NISCH: variants seen among roughly 807,000 people sequenced by gnomAD.
NISCH encodes nischarin, also known as I-1 receptor candidate protein.
Under a neutral mutation model 138.4 loss-of-function variants are expected in NISCH, and 55 were observed. The observed-to-expected ratio is 0.40, with a 90% confidence interval of 0.32 to 0.50. NISCH has a LOEUF of 0.50. Ranked by LOEUF, NISCH falls within the 20% of genes least tolerant of loss-of-function variation. NISCH has a pLI of 0.71. For missense variants in NISCH, 1,643 were observed against 2,005.5 expected, an observed-to-expected ratio of 0.82 and a Z score of 3.45; for synonymous variants, 860 against 861.5, an observed-to-expected ratio of 1.00 and a Z score of 0.03.
chr3:52,460,186 C>CAAAAAA (rs60865450), intron 3 of NISCH, among the ~76,000 whole-genome samples: 3 of 56,192 alleles, frequency 5.3e-5, no homozygotes, highest in Non-Finnish European at 6.0e-5. Flanking sequence ...GACTTCATCT[C>CAAAAAA]AAAAAAAAAA....
At position 52,488,080 on chromosome 3, in the gene NISCH, G is replaced by A; in HGVS notation, c.2588G>A (p.Ser863Asn). Reference sequence around the variant, plus strand: ...TGCTTCCCCGTCTACCTGGTCTACAGTGACAAGCGCATGGTGCAGACGGCC... The same window carrying A: ...TGCTTCCCCGTCTACCTGGTCTACAATGACAAGCGCATGGTGCAGACGGCC... ...QGCFPVYLVYSDKRMVQTAAG... is the reference protein window; with the variant it reads ...QGCFPVYLVYNDKRMVQTAAG... The change falls in exon 16 of 21, where the codon AGT (serine) becomes AAT (asparagine). Residue 863 changes from serine to asparagine, a missense_variant. Coordinates refer to ENST00000345716, the MANE Select transcript of NISCH (RefSeq NM_007184.4). The A allele has an allele frequency of 6.2e-7, 1 of 1,612,864 alleles. No homozygotes were observed. The highest frequency in any genetic ancestry group is 1.6e-4 in the Middle Eastern group (1 of 6,062).
In NISCH at chr3:52,480,430, C is replaced by T. The variant is rs748751448; in HGVS notation, c.1528+135C>T. 6 of 1,546,382 alleles carry T rather than the reference C, an allele frequency of 3.9e-6. No individual in the cohort carries two copies. The Admixed American group carries it at 9.9e-5, about 25-fold the overall frequency. ...GACACAGGGAGGGCAGTGCCTTCTG[C>T]AGGCTGGTCCTCGCGGGGGGACACA... is the stretch of plus-strand genomic sequence containing the variant. On this transcript the variant is annotated intron_variant, in intron 13 of 20. Coordinates refer to ENST00000345716, the MANE Select transcript of NISCH (RefSeq NM_007184.4).
chr3:52,484,961 C>T (rs1163195365), intron 14 of NISCH, among the ~76,000 whole-genome samples: 1 of 152,096 alleles, frequency 6.6e-6, no homozygotes, highest in Non-Finnish European at 1.5e-5. Context: ...ACCCTGTGAG[C>T]AGGCTTCCCT....
intron 2 of NISCH, 70 bp downstream of exon 2, chr3:52,457,996 A>C: frequency 8.2e-7 from 1 of 1,225,496 alleles, no homozygotes; most frequent in Non-Finnish European, 1.2e-6. Flanking sequence ...CCATTGTGCC[A>C]CATATTAGTT....
In NISCH at chr3:52,484,679, G is replaced by A. The variant is rs1468245231; in HGVS notation, c.1653+42G>A. 3 of 1,610,530 alleles carry A rather than the reference G, an allele frequency of 1.9e-6. No homozygotes were observed. In the African/African-American group the frequency reaches 4.0e-5, roughly 22 times the overall value. On this transcript the variant is annotated intron_variant, in intron 14 of 20. Coordinates refer to ENST00000345716, the MANE Select transcript of NISCH (RefSeq NM_007184.4). ...GCTTCTGGGGACCATACATCTGTGGGTGGACTCTTCTGCTTGGGGTTGTGT... is the reference window on the plus strand; with the variant it reads ...GCTTCTGGGGACCATACATCTGTGGATGGACTCTTCTGCTTGGGGTTGTGT...
chr3:52,487,463 G>A lies in NISCH; in HGVS notation c.1971G>A (p.Met657Ile). The A allele has an allele frequency of 6.2e-7, 1 of 1,603,494 alleles. No individual in the cohort carries two copies. The highest frequency in any genetic ancestry group is 8.5e-7 in the Non-Finnish European group (1 of 1,172,530). The change falls in exon 16 of 21, where the codon ATG becomes ATA. Residue 657 changes from methionine (M) to isoleucine (I), a missense_variant. Transcript: ENST00000345716. This position sits in a 1 kb window ranked among gnomAD's most constrained non-coding sequence, Gnocchi z 9.1. ...TGGCTGAGAACCGCTACTTTGAAAT[G>A]GGGCCCCCAGACGTGGAGGAGGAGG... ...EDVAENRYFEMGPPDVEEEEG... is the reference protein window; with the variant it reads ...EDVAENRYFEIGPPDVEEEEG...
In NISCH at chr3:52,488,564, G is replaced by C; in HGVS notation, c.3072G>C (p.Gln1024His). The change falls in exon 16 of 21, where the codon CAG becomes CAC. Residue 1024 changes from glutamine to histidine, a missense_variant. Coordinates refer to ENST00000345716, the MANE Select transcript of NISCH (RefSeq NM_007184.4). The stretch of plus-strand genomic sequence containing the variant: ...CCCCCGGGACGGGAGGCAGCCCCCA[G>C]GGCTCCTTTGCGGATGGCCAGCCTG... ...AKTPGTGGSP[Q>H]GSFADGQPAE... 6.2e-7 allele frequency: 1 copy of C among 1,612,524 alleles called. No homozygotes were observed. The highest frequency in any genetic ancestry group is 8.5e-7 in the Non-Finnish European group (1 of 1,179,730).
rs1437908358 is a variant in NISCH, at chr3:52,487,562, G to A, written c.2070G>A (p.Leu690=). ...DEEAEEERLA[L]EWALGADEDF... ...AGGCCGAGGAGGAGCGCCTGGCTCT[G>A]GAATGGGCCCTGGGCGCGGACGAGG... The change falls in exon 16 of 21, where the codon CTG becomes CTA. Residue 690 remains leucine (L), a synonymous_variant. Coordinates refer to ENST00000345716, the MANE Select transcript of NISCH (RefSeq NM_007184.4). The surrounding 1 kb of genome is among the most constrained non-coding windows in gnomAD (Gnocchi z 9.1). The A allele has an allele frequency of 1.9e-6, 3 of 1,611,932 alleles. No individual in the cohort carries two copies. Among genetic ancestry groups the A allele is most frequent in the Non-Finnish European group, 2.5e-6 (3 of 1,178,472 alleles).
rs1245633933 is a variant in NISCH at position 52,490,846 on chromosome 3, C to G, written c.3742+13C>G. On this transcript the variant is annotated intron_variant, in intron 19 of 20. Coordinates refer to ENST00000345716, the MANE Select transcript of NISCH (RefSeq NM_007184.4). Reference sequence around the variant, plus strand: ...TTCCGGCTGACGGGTGGGTGACCCTCTGTGCTTTGTCCTATTTCGGGTGAA... The same window carrying G: ...TTCCGGCTGACGGGTGGGTGACCCTGTGTGCTTTGTCCTATTTCGGGTGAA... 1.2e-6 allele frequency: 2 copies of G among 1,614,018 alleles called. No individual in the cohort carries two copies. The highest frequency in any genetic ancestry group is 2.2e-5 in the East Asian group (1 of 44,892).
chr3:52,491,407 C>T lies in NISCH; in HGVS notation c.3798C>T (p.His1266=), dbSNP rs750475616. ...TGACGCGGGACAGCTACCTGACGCA[C>T]TGCTTCCTCCAGCACCTCATGGTCG... ...TCLTRDSYLT[H]CFLQHLMVVL... The change falls in exon 20 of 21, where the codon CAC becomes CAT. Residue 1266 remains histidine, a synonymous_variant. Transcript: ENST00000345716. The T allele has an allele frequency of 5.6e-6, 9 of 1,613,242 alleles. No individual in the cohort carries two copies. The highest frequency in any genetic ancestry group is 3.3e-5 in the Admixed American group (2 of 59,996).
chr3:52,485,205 G>A (rs1470388403), intron 14 of NISCH, among the ~76,000 whole-genome samples: 1 of 152,202 alleles, frequency 6.6e-6, no homozygotes, highest in Non-Finnish European at 1.5e-5. Context: ...TCGCAAATGT[G>A]CTTGGTGCCT....
At chr3:52,489,256 T>A in intron 16 of NISCH, 80 bp from the exon 17 acceptor site, 1 of 1,492,174 alleles carries the variant, frequency 6.7e-7, no homozygotes, top group South Asian at 1.3e-5. Context: ...GCACACAGTC[T>A]CCTCACTCTG....
At chr3:52,467,981 C>T (rs892867156) in intron 3 of NISCH, among the ~76,000 whole-genome samples, 2 of 152,168 alleles carry the variant, frequency 1.3e-5, no homozygotes, top group Admixed American at 6.5e-5. Flanking sequence ...TGCCATTGGC[C>T]GAGCGTGGTG....
intron 2 of NISCH, 60 bp downstream of exon 2, chr3:52,457,986 C>A: frequency 7.7e-7 from 1 of 1,294,940 alleles, no homozygotes; most frequent in Non-Finnish European, 1.1e-6. Context: ...GGCCAACTTT[C>A]CATTGTGCCA....
chr3:52,467,371 G>A, intron 3 of NISCH, among the ~76,000 whole-genome samples: 1 of 152,120 alleles, frequency 6.6e-6, no homozygotes. Context: ...AGTCCCTTCA[G>A]CACAGATGGG....
chr3:52,465,415 C>CCA (rs1190982888), intron 3 of NISCH, among the ~76,000 whole-genome samples: 3 of 152,356 alleles, frequency 2.0e-5, no homozygotes, highest in Admixed American at 2.0e-4. Flanking sequence ...CAGGCGTGAG[C>CCA]CACCACACCC....
At chr3:52,476,307 C>T in intron 7 of NISCH, 140 bp from the exon 8 acceptor site, 1 of 875,672 alleles carries the variant, frequency 1.1e-6, no homozygotes, top group Non-Finnish European at 1.8e-6. Flanking sequence ...ACATAGGAAC[C>T]AAAGGCATGC....
At position 52,457,834 on chromosome 3, in the gene NISCH, C is replaced by T. The variant is rs369512589; in HGVS notation, c.94-9C>T. On this transcript the variant is annotated splice_polypyrimidine_tract_variant and intron_variant, in intron 1 of 20. Transcript: ENST00000345716. ...CCTTGCCACAAGGGCTGTTGGTTTC[C>T]CCTTTTAGGTTTACATCATCCAGGT... 2.9e-5 allele frequency: 47 copies of T among 1,604,226 alleles called. No homozygotes were observed. In the African/African-American group the frequency reaches 5.3e-4, roughly 18 times the overall value.
At chr3:52,485,966 A>C in intron 15 of NISCH, 139 bp downstream of exon 15, 2 of 737,506 alleles carry the variant, frequency 2.7e-6, no homozygotes, top group Non-Finnish European at 4.7e-6. Context: ...CTTCCTCTAA[A>C]GAGACACAGA....
Sources: gnomAD v4.1 joint callset for allele counts (sites outside exome capture counted in the v4.1 genomes callset) on GRCh38, gnomAD v4.1.1 for gene constraint, Gnocchi (gnomAD v3.1) non-coding constraint, MANE v1.5 for transcripts, NCBI Gene and HGNC (gene_info 2026-07-23, HGNC 2026-07-21) for gene names.